Variants in TCEA1 observed in about 807,000 individuals in gnomAD.
TCEA1 encodes the protein transcription elongation factor A protein 1.
TCEA1 carries 21 observed loss-of-function variants against 43.8 expected under a neutral mutation model. The observed-to-expected ratio is 0.48, with a 90% CI of 0.34 to 0.69. TCEA1 has a LOEUF of 0.69. Among genes scored for constraint, TCEA1 ranks in the 30% least tolerant of loss-of-function variants. TCEA1 has a pLI of 0.01. For missense variants in TCEA1, 250 were observed against 365.1 expected (o/e 0.68, Z 2.57); for synonymous variants, 104 against 117.5 (o/e 0.88, Z 0.75).
chr8:54,012,500 A>G (rs1407257200), intron 1 of TCEA1, among the ~76,000 whole-genome samples: 1 of 152,224 alleles, frequency 6.6e-6, no homozygotes, highest in African/African-American at 2.4e-5. Flanking sequence ...TGGAGGTTGC[A>G]GTGAGCCGAG....
intron 3 of TCEA1, among the ~76,000 whole-genome samples, chr8:53,999,442 G>A (rs188126812): frequency 3.9e-5 from 6 of 151,938 alleles, no homozygotes; most frequent in Non-Finnish European, 7.4e-5. Context: ...GGAAATACAC[G>A]CAAGTATTTA....
At chr8:53,998,984 T>G (rs1451113974) in intron 3 of TCEA1, among the ~76,000 whole-genome samples, 1 of 152,018 alleles carries the variant, frequency 6.6e-6, no homozygotes, top group Non-Finnish European at 1.5e-5. Context: ...ATCCCAGCAC[T>G]TTGGGAGGCC....
intron 8 of TCEA1, among the ~76,000 whole-genome samples, chr8:53,978,292 T>C (rs1198648601): frequency 1.3e-5 from 2 of 152,128 alleles, no homozygotes; most frequent in East Asian, 3.8e-4. Flanking sequence ...AAGAAAGAAA[T>C]CTTATCTCCT....
intron 1 of TCEA1, among the ~76,000 whole-genome samples, chr8:54,020,496 A>G (rs1187312120): frequency 6.6e-6 from 1 of 152,208 alleles, no homozygotes; most frequent in Non-Finnish European, 1.5e-5. Flanking sequence ...AAAAAGGGGA[A>G]CAGAGGATGT....
At chr8:53,988,058 G>T in intron 5 of TCEA1, 56 bp downstream of exon 5, 1 of 1,578,920 alleles carries the variant, frequency 6.3e-7, no homozygotes, top group Non-Finnish European at 8.6e-7. Flanking sequence ...AGTTGGAGAT[G>T]GCAGTGGTTG....
At chr8:53,980,473 C>G (rs1003190198) in intron 7 of TCEA1, among the ~76,000 whole-genome samples, 3 of 152,220 alleles carry the variant, frequency 2.0e-5, no homozygotes, top group African/African-American at 7.2e-5. Context: ...TTTCATGTCT[C>G]TGTGTCACAT....
At chr8:53,975,219 C>T (rs1803292992) in intron 8 of TCEA1, among the ~76,000 whole-genome samples, 1 of 152,126 alleles carries the variant, frequency 6.6e-6, no homozygotes, top group East Asian at 1.9e-4. Flanking sequence ...TTTTACAGTA[C>T]TTAATTCCAA....
chr8:53,997,523 A>G (rs1450223113), intron 3 of TCEA1, among the ~76,000 whole-genome samples: 1 of 152,232 alleles, frequency 6.6e-6, no homozygotes, highest in Non-Finnish European at 1.5e-5. Context: ...ATGCTTAAAC[A>G]GTATTCCAAC....
chr8:54,001,007 C>A (rs1447040844), intron 2 of TCEA1, among the ~76,000 whole-genome samples: 2 of 152,134 alleles, frequency 1.3e-5, no homozygotes, highest in Admixed American at 1.3e-4. Flanking sequence ...GATCCACACA[C>A]CTCAGCCTCC....
intron 2 of TCEA1, among the ~76,000 whole-genome samples, chr8:54,008,079 G>C (rs1341976313): frequency 2.0e-5 from 3 of 150,562 alleles, no homozygotes; most frequent in African/African-American, 7.3e-5. Flanking sequence ...CTACTGGGGA[G>C]GCTAAGGCAA....
At chr8:53,972,274 GTGA>G (rs1341268926) in intron 8 of TCEA1, 6 of 412,462 alleles carry the variant, frequency 1.5e-5, no homozygotes, top group South Asian at 4.0e-5. Context: ...AGAGCTTCAG[GTGA>G]TGATGACAAT....
chr8:54,005,552 A>C (rs1051938589), intron 2 of TCEA1, among the ~76,000 whole-genome samples: 1 of 152,034 alleles, frequency 6.6e-6, no homozygotes, highest in African/African-American at 2.4e-5. Context: ...CCTTTCTTGA[A>C]TATTCTTATA....
At chr8:54,008,852 T>A (rs146190548) in intron 2 of TCEA1, among the ~76,000 whole-genome samples, 2 of 149,318 alleles carry the variant, frequency 1.3e-5, no homozygotes. Flanking sequence ...TTTATTTATT[T>A]ATTTTTTTTT....
intron 3 of TCEA1, among the ~76,000 whole-genome samples, chr8:53,997,782 C>T (rs1429096971): frequency 1.3e-5 from 2 of 152,126 alleles, no homozygotes; most frequent in Admixed American, 6.5e-5. Context: ...GCTTGCAATT[C>T]CAGCTACTCA....
intron 3 of TCEA1, chr8:53,999,720 C>T (rs1258797422): frequency 2.6e-5 from 12 of 458,698 alleles, no homozygotes; most frequent in Non-Finnish European, 4.6e-5. Flanking sequence ...AAGAGTTTAT[C>T]CAGTTGTGTC....
chr8:53,984,749 G>A (rs938457547), intron 6 of TCEA1, among the ~76,000 whole-genome samples: 1 of 151,966 alleles, frequency 6.6e-6, no homozygotes, highest in African/African-American at 2.4e-5. Context: ...CAGGCATGGT[G>A]GCAGGTGCCT....
At chr8:53,999,900 T>C (rs375216698) in intron 3 of TCEA1, 45 bp downstream of exon 3, 1 of 1,278,198 alleles carries the variant, frequency 7.8e-7, no homozygotes, top group African/African-American at 1.5e-5. Flanking sequence ...ACTATTTGAA[T>C]AAATCACAAC....
At chr8:53,979,199 G>A in intron 7 of TCEA1, 28 bp from the exon 8 acceptor site, 2 of 1,596,160 alleles carry the variant, frequency 1.3e-6, no homozygotes, top group South Asian at 1.1e-5. Flanking sequence ...ATACCACTCA[G>A]TTATAGACAC....
chr8:53,971,141 T>C (rs1803144113), intron 8 of TCEA1: 1 of 152,222 alleles, frequency 6.6e-6, no homozygotes, highest in South Asian at 2.1e-4. Flanking sequence ...ACAAAGGTTT[T>C]TGGGTTTTTT....
Sources: gnomAD v4.1 joint callset for allele counts (sites outside exome capture counted in the v4.1 genomes callset) on GRCh38, gnomAD v4.1.1 for gene constraint, MANE v1.5 for transcripts, NCBI Gene and HGNC (gene_info 2026-07-23, HGNC 2026-07-21) for gene names.